MDN1: variants seen among roughly 807,000 people sequenced by gnomAD.
The protein encoded by MDN1 is midasin AAA ATPase 1, also known as midasin.
Under a neutral mutation model 669.2 loss-of-function variants are expected in MDN1, and 266 were observed. The observed-to-expected ratio is 0.40, with a 90% CI of 0.36 to 0.44. MDN1 has a LOEUF of 0.44. MDN1 is among the 20% of genes least tolerant of loss of function. MDN1 has a pLI of 1.00. For missense variants in MDN1, 5,940 were observed against 6,754.0 expected (o/e 0.88, Z 4.22); for synonymous variants, 2,385 against 2,457.1 (o/e 0.97, Z 0.87).
intron 2 of MDN1, among the ~76,000 whole-genome samples, chr6:89,801,751 G>A (rs745591404): frequency 6.6e-6 from 1 of 151,314 alleles, no homozygotes; most frequent in Non-Finnish European, 1.5e-5. Context: ...CCAAGATTGT[G>A]CCACTGCACT....
intron 50 of MDN1, among the ~76,000 whole-genome samples, chr6:89,709,572 T>C (rs1462894164): frequency 6.6e-6 from 1 of 152,234 alleles, no homozygotes; most frequent in Non-Finnish European, 1.5e-5. Flanking sequence ...TATTGTTTGA[T>C]TTCTTCCCAT....
At chr6:89,735,361 T>C (rs1486074937) in intron 33 of MDN1, among the ~76,000 whole-genome samples, 1 of 147,236 alleles carries the variant, frequency 6.8e-6, no homozygotes, top group African/African-American at 2.5e-5. Context: ...CACATCAATA[T>C]CACAGAACCT....
At chr6:89,734,689 A>C (rs1290357656) in intron 33 of MDN1, among the ~76,000 whole-genome samples, 1,554 of 33,112 alleles carry the variant, frequency 0.047, 97 homozygotes, top group African/African-American at 0.14. Context: ...AAAAAAAAAA[A>C]CAAGAGAGAG....
intron 73 of MDN1, 121 bp downstream of exon 73, chr6:89,683,011 T>C: frequency 1.0e-6 from 1 of 1,003,918 alleles, no homozygotes; most frequent in Non-Finnish European, 1.5e-6. Context: ...GCTATATATG[T>C]CCAAAGAACA....
chr6:89,686,470 G>A (rs1210947433), intron 69 of MDN1, among the ~76,000 whole-genome samples: 1 of 152,040 alleles, frequency 6.6e-6, no homozygotes, highest in Non-Finnish European at 1.5e-5. Flanking sequence ...AAAAGTAGCA[G>A]CTGCACATAG....
chr6:89,653,016 TTGA>T lies in MDN1; in HGVS notation c.15798_15800del (p.His5266del), dbSNP rs777901602. On this transcript the variant is annotated inframe_deletion, in exon 94 of 102. Coordinates refer to ENST00000369393, the MANE Select transcript of MDN1 (RefSeq NM_014611.3). ...CCTGGAAGATCGTGTCCATGAGGAA[TTGA>T]TGAGCTGTATGAATGGTAGACTCTC... 8.1e-6 allele frequency: 13 copies of T among 1,614,140 alleles called. No individual in the cohort carries two copies. Among genetic ancestry groups the T allele is most frequent in the Non-Finnish European group, 1.1e-5 (13 of 1,180,022 alleles).
In MDN1 at chr6:89,663,050, C is replaced by T. The variant is rs191349169; in HGVS notation, c.14237-83G>A. 46 of 1,484,826 alleles carry T rather than the reference C, an allele frequency of 3.1e-5. No individual in the cohort carries two copies. In the Admixed American group the frequency reaches 7.3e-4, roughly 23 times the overall value. 92.0% of individuals were successfully genotyped at this position (1,484,826 alleles called of 1,614,324 possible). A position where few individuals can be genotyped will look rare whatever the true frequency, so the allele number is the denominator to read the frequency against. On this transcript the variant is annotated intron_variant, in intron 85 of 101. Coordinates refer to ENST00000369393, the MANE Select transcript of MDN1 (RefSeq NM_014611.3). Reference sequence around the variant, plus strand: ...TTAAGAGAGGTGTGGACCCGCTTCCCTAGCAAGGGCCCCACCTGAGATTTA... The same window carrying T: ...TTAAGAGAGGTGTGGACCCGCTTCCTTAGCAAGGGCCCCACCTGAGATTTA...
chr6:89,717,275 T>A (rs535040523), intron 43 of MDN1, among the ~76,000 whole-genome samples: 1 of 152,370 alleles, frequency 6.6e-6, no homozygotes, highest in South Asian at 2.1e-4. Flanking sequence ...AATTTTTCAG[T>A]TGATCTTTTT....
At chr6:89,789,392 A>G (rs1275825014) in intron 7 of MDN1, among the ~76,000 whole-genome samples, 1 of 152,202 alleles carries the variant, frequency 6.6e-6, no homozygotes, top group Non-Finnish European at 1.5e-5. Flanking sequence ...ACTCCTCTGT[A>G]GCTGCCACCA....
chr6:89,816,111 G>C (rs1202832553), intron 1 of MDN1, among the ~76,000 whole-genome samples: 2 of 152,182 alleles, frequency 1.3e-5, no homozygotes, highest in African/African-American at 4.8e-5. Context: ...AATAAAGACT[G>C]TTTTGTGGCT....
chr6:89,753,461 G>T, intron 22 of MDN1, 51 bp downstream of exon 22: 7 of 1,313,508 alleles, frequency 5.3e-6, no homozygotes, highest in Non-Finnish European at 7.5e-6. Context: ...CTGAAAATTT[G>T]GTAATTCAGC....
rs1173035806 is a variant in MDN1 at position 89,719,256 on chromosome 6, C to T, written c.5968-31G>A. ...GGAAGAAGATAATGCAATGAAAACA[C>T]AAATCACTCCACCTAATTCTTAGGC... On this transcript the variant is annotated intron_variant, in intron 40 of 101. Transcript: ENST00000369393. 10 of 1,550,658 alleles carry T rather than the reference C, an allele frequency of 6.4e-6. 1 individual carries two copies. The South Asian group carries it at 1.1e-4, about 17-fold the overall frequency.
chr6:89,648,121 G>A lies in MDN1; in HGVS notation c.16306C>T (p.His5436Tyr), dbSNP rs758389661. 1.4e-5 allele frequency: 22 copies of A among 1,613,914 alleles called. No homozygotes were observed. Among genetic ancestry groups the A allele is most frequent in the Non-Finnish European group, 1.6e-5 (19 of 1,179,894 alleles). Residue 5436 changes from histidine (H) to tyrosine (Y), a missense_variant, in exon 99 of 102, where the codon CAC becomes TAC. Transcript: ENST00000369393. ...CSFGESVKLL[H>Y]PFHEQFSDYS... ...TCACTGAACTGCTCATGAAATGGGT[G>A]TAACAGCTTTACAGATTCTCCAAAA...
intron 71 of MDN1, among the ~76,000 whole-genome samples, chr6:89,684,229 G>A (rs1811846876): frequency 6.6e-6 from 1 of 152,112 alleles, no homozygotes; most frequent in South Asian, 2.1e-4. Flanking sequence ...TGTAGTCCCA[G>A]CTACTCGGGA....
chr6:89,694,348 A>C (rs1182839537), intron 61 of MDN1, among the ~76,000 whole-genome samples, 165 bp from the exon 62 acceptor site: 2 of 152,168 alleles, frequency 1.3e-5, no homozygotes, highest in African/African-American at 4.8e-5. Flanking sequence ...CTCACATCAG[A>C]GCTGTGAGGG....
intron 71 of MDN1, among the ~76,000 whole-genome samples, chr6:89,684,268 G>A (rs1480623074): frequency 1.3e-5 from 2 of 151,994 alleles, no homozygotes; most frequent in Non-Finnish European, 1.5e-5. Context: ...GCTTGAACCC[G>A]GGAGGCAAAG....
intron 1 of MDN1, among the ~76,000 whole-genome samples, chr6:89,817,974 G>A (rs66776315): frequency 0.15 from 22,464 of 151,990 alleles, 1,934 homozygotes; most frequent in South Asian, 0.21. Flanking sequence ...GTCCCTGGGA[G>A]CAAAATTGGC....
rs1160733687 is a variant in MDN1, at chr6:89,755,382, A to T, written c.2816+895T>A. On this transcript the variant is annotated intron_variant, in intron 20 of 101. Coordinates refer to ENST00000369393, the MANE Select transcript of MDN1 (RefSeq NM_014611.3). The stretch of plus-strand genomic sequence containing the variant: ...AACAAAGCAAAGCTCCTGTATCCAA[A>T]AAAAAAAAAAAAAAAAATAGAACTC... 1.8e-4 allele frequency among the ~76,000 whole-genome samples: 20 copies of T among 109,404 alleles called. 1 individual carries two copies. Among genetic ancestry groups the T allele is most frequent in the Admixed American group, 1.3e-3 (16 of 12,216 alleles). The allele number at this position is 109,404 out of a possible 152,430, so 71.8% of individuals were successfully genotyped here. A position where few individuals can be genotyped will look rare whatever the true frequency, so the allele number is the denominator to read the frequency against.
chr6:89,780,839 T>TG (rs1818633060), intron 10 of MDN1, among the ~76,000 whole-genome samples: 1 of 147,578 alleles, frequency 6.8e-6, no homozygotes, highest in African/African-American at 2.5e-5. Flanking sequence ...TTAGTAGAGA[T>TG]GGGGTTTCAC....
Sources: gnomAD v4.1 joint callset for allele counts (sites outside exome capture counted in the v4.1 genomes callset) on GRCh38, gnomAD v4.1.1 for gene constraint, MANE v1.5 for transcripts, NCBI Gene and HGNC (gene_info 2026-07-23, HGNC 2026-07-21) for gene names.